The following CAMK4 variants were observed in gnomAD, a reference collection of about 807,000 sequenced individuals.
CAMK4 encodes calcium/calmodulin dependent protein kinase IV.
Under a neutral mutation model 44.9 loss-of-function variants are expected in CAMK4, and 22 were observed. That is an observed-to-expected ratio of 0.49 (90% CI 0.35 to 0.70). The LOEUF is 0.70. CAMK4 is among the 30% of genes least tolerant of loss of function. The pLI is 0.01. For synonymous variants in CAMK4, 218 were observed against 215.4 expected, an observed-to-expected ratio of 1.01 and a Z score of -0.11; for missense variants, 498 against 586.8, an observed-to-expected ratio of 0.85 and a Z score of 1.56.
intron 1 of CAMK4, among the ~76,000 whole-genome samples, chr5:111,296,231 A>G (rs1179753711): frequency 6.6e-6 from 1 of 152,176 alleles, no homozygotes; most frequent in Non-Finnish European, 1.5e-5. Context: ...ACTCAGCATA[A>G]GCTTCCTATA....
At chr5:111,473,545 G>T (rs1005639270) in intron 8 of CAMK4, among the ~76,000 whole-genome samples, 159 bp downstream of exon 8, 1 of 152,148 alleles carries the variant, frequency 6.6e-6, no homozygotes, top group East Asian at 1.9e-4. Context: ...TCCTGAAAAT[G>T]AACATTGCTT....
At chr5:111,286,386 T>C (rs1195177475) in intron 1 of CAMK4, among the ~76,000 whole-genome samples, 1 of 152,238 alleles carries the variant, frequency 6.6e-6, no homozygotes. Flanking sequence ...TTTGCTTATG[T>C]GTCCATATAA....
At chr5:111,259,185 G>T (rs1220627201) in intron 1 of CAMK4, among the ~76,000 whole-genome samples, 4 of 152,166 alleles carry the variant, frequency 2.6e-5, no homozygotes, top group Non-Finnish European at 5.9e-5. Flanking sequence ...CAGAATATAT[G>T]CTTCTTGGAG....
chr5:111,282,788 A>G (rs189346184), intron 1 of CAMK4: 1 of 152,240 alleles, frequency 6.6e-6, no homozygotes, highest in African/African-American at 2.4e-5. Flanking sequence ...CAATAAACCC[A>G]TCACAAATTG....
At chr5:111,376,814 T>G in intron 3 of CAMK4, 46 bp from the exon 4 acceptor site, 1 of 1,164,806 alleles carries the variant, frequency 8.6e-7, no homozygotes, top group South Asian at 1.3e-5. Flanking sequence ...CCAAGAAAGA[T>G]GGAATAAGAA....
intron 5 of CAMK4, among the ~76,000 whole-genome samples, chr5:111,423,305 G>T (rs1050669965): frequency 1.3e-5 from 2 of 152,106 alleles, no homozygotes; most frequent in Non-Finnish European, 2.9e-5. Flanking sequence ...ACTATATTTT[G>T]AAAAAGAAAT....
upstream of CAMK4, chr5:111,224,377 G>A (rs768721428): frequency 1.2e-4 from 172 of 1,385,178 alleles, no homozygotes; most frequent in South Asian, 8.0e-5. The surrounding 1 kb of genome is among the most constrained non-coding windows in gnomAD (Gnocchi z 5.7). Flanking sequence ...CGTGAAGGAC[G>A]CCGCCTCTCT....
intron 5 of CAMK4, among the ~76,000 whole-genome samples, chr5:111,404,699 A>G (rs907993865): frequency 3.3e-5 from 5 of 152,188 alleles, no homozygotes; most frequent in African/African-American, 1.2e-4. Flanking sequence ...TCTAAACTGC[A>G]AAAGGGAGGA....
At chr5:111,441,765 C>G (rs1753830874) in intron 5 of CAMK4, among the ~76,000 whole-genome samples, 1 of 152,048 alleles carries the variant, frequency 6.6e-6, no homozygotes, top group African/African-American at 2.4e-5. Flanking sequence ...ATGTTAATCC[C>G]CATGATTTAC....
intron 5 of CAMK4, among the ~76,000 whole-genome samples, chr5:111,421,887 T>A (rs1234090165): frequency 1.3e-5 from 2 of 152,116 alleles, no homozygotes; most frequent in African/African-American, 2.4e-5. Context: ...AGTGAATAAG[T>A]CTCACGAAAT....
Position 111,336,879 on chromosome 5 carries a change from A to G in CAMK4, c.162-7145A>G, listed in dbSNP as rs957438937. Among the ~76,000 whole-genome samples the G allele has an allele frequency of 1.3e-4, 19 of 151,078 alleles. 1 individual carries two copies. The highest frequency in any genetic ancestry group is 7.4e-5 in the Non-Finnish European group (5 of 67,408). ...GTTAAATGAACATAGAATGGGTTGAATGCTATAAGCCACATTTTGGTAATG... is the reference window on the plus strand; with the variant it reads ...GTTAAATGAACATAGAATGGGTTGAGTGCTATAAGCCACATTTTGGTAATG... On this transcript the variant is annotated intron_variant, in intron 1 of 10. Coordinates refer to ENST00000282356, the MANE Select transcript of CAMK4 (RefSeq NM_001744.6).
intron 5 of CAMK4, among the ~76,000 whole-genome samples, chr5:111,404,830 T>A (rs1388760908): frequency 6.6e-6 from 1 of 152,242 alleles, no homozygotes; most frequent in Non-Finnish European, 1.5e-5. Flanking sequence ...ACTTACTATG[T>A]TATTCTTAGC....
At chr5:111,259,996 G>A (rs528667457) in intron 1 of CAMK4, among the ~76,000 whole-genome samples, 1 of 152,264 alleles carries the variant, frequency 6.6e-6, no homozygotes, top group South Asian at 2.1e-4. Flanking sequence ...AGAACATATC[G>A]ATTAAATACA....
At chr5:111,443,126 A>G (rs1408002888) in intron 5 of CAMK4, among the ~76,000 whole-genome samples, 1 of 149,090 alleles carries the variant, frequency 6.7e-6, no homozygotes, top group Non-Finnish European at 1.5e-5. Flanking sequence ...TCCTGACTTG[A>G]GATAATGTAA....
chr5:111,417,010 T>C (rs1177363112), intron 5 of CAMK4, among the ~76,000 whole-genome samples: 1 of 152,198 alleles, frequency 6.6e-6, no homozygotes, highest in Non-Finnish European at 1.5e-5. Context: ...ATTGGAACTA[T>C]TTTGGTAAAT....
intron 4 of CAMK4, among the ~76,000 whole-genome samples, chr5:111,384,954 C>G (rs1326515112): frequency 6.6e-6 from 1 of 152,182 alleles, no homozygotes; most frequent in African/African-American, 2.4e-5. Context: ...CCACTTTGTT[C>G]TCTTCCCACC....
Position 111,473,395 on chromosome 5 carries a change from A to T in CAMK4, c.701+9A>T. The T allele has an allele frequency of 6.4e-7, 1 of 1,550,768 alleles. No homozygotes were observed. Among genetic ancestry groups the T allele is most frequent in the Non-Finnish European group, 8.9e-7 (1 of 1,123,158 alleles). ...ATAATCACCTACATCTTGTAAGTGA[A>T]GAAAAGCAATATTTATGTAAACTAT... On this transcript the variant is annotated intron_variant, in intron 8 of 10. Transcript: ENST00000282356.
At chr5:111,458,773 G>A (rs1754529798) in intron 7 of CAMK4, among the ~76,000 whole-genome samples, 1 of 152,196 alleles carries the variant, frequency 6.6e-6, no homozygotes, top group Admixed American at 6.5e-5. Context: ...CCTAGTGAAA[G>A]AATGTTCTAG....
intron 5 of CAMK4, among the ~76,000 whole-genome samples, chr5:111,426,870 A>G (rs1753245798): frequency 6.6e-6 from 1 of 152,186 alleles, no homozygotes; most frequent in East Asian, 1.9e-4. Context: ...CACAAACCTC[A>G]TCACCCTGGG....
Sources: allele counts gnomAD v4.1 joint callset (sites outside exome capture counted in the v4.1 genomes callset), GRCh38; gene constraint gnomAD v4.1.1; non-coding constraint Gnocchi (gnomAD v3.1); transcripts MANE v1.5; gene names NCBI Gene and HGNC (gene_info 2026-07-23, HGNC 2026-07-21).